The following CENPO variants were observed in gnomAD, a reference collection of about 807,000 sequenced individuals.
CENPO encodes the protein centromere protein O, also known as centromeric protein O.
In CENPO, 30 loss-of-function variants were observed where a neutral mutation model predicts 36.1. The ratio of observed to expected loss-of-function variants is 0.83; its 90% confidence interval spans 0.62 to 1.13. The LOEUF (loss-of-function observed/expected upper bound fraction) is 1.13, where lower values mean the gene tolerates loss of function less well. CENPO is among the 50% of genes most tolerant of loss of function. The pLI is 0.00. For missense variants in CENPO, 349 were observed against 357.8 expected (o/e 0.98, Z 0.20); for synonymous variants, 171 against 142.3 (o/e 1.20, Z -1.44).
At chr2:24,799,202 T>C (rs1458889011) in intron 2 of CENPO, among the ~76,000 whole-genome samples, 1 of 152,130 alleles carries the variant, frequency 6.6e-6, no homozygotes, top group Non-Finnish European at 1.5e-5. Flanking sequence ...TTTGCCATGT[T>C]GGCCAGGCTG....
chr2:24,815,608 G>T lies in CENPO; in HGVS notation c.446G>T (p.Arg149Leu), dbSNP rs765920012. The stretch of plus-strand genomic sequence containing the variant: ...GACCTTGTCATACAGAAACCACTCC[G>T]GATACATCACCATTCAGTCCCAGTC... ...FVDLVIQKPL[R>L]IHHHSVPVFI... Residue 149 changes from arginine to leucine, a missense_variant, in exon 5 of 8, where the codon CGG becomes CTG. Physicochemically the swap from Arg to Leu is moderately radical, Grantham distance 102 (BLOSUM62 -2). Coordinates refer to ENST00000380834, the MANE Select transcript of CENPO (RefSeq NM_001322101.2). The T allele has an allele frequency of 6.2e-7, 1 of 1,614,044 alleles. No homozygotes were observed. Among genetic ancestry groups the T allele is most frequent in the Non-Finnish European group, 8.5e-7 (1 of 1,179,954 alleles).
chr2:24,799,872 C>T (rs1666085980), intron 3 of CENPO, 28 bp downstream of exon 3: 3 of 1,608,736 alleles, frequency 1.9e-6, no homozygotes, highest in African/African-American at 2.7e-5. Context: ...ATCAGCAGTT[C>T]CTTTAGAGTA....
At chr2:24,814,518 T>G (rs1666849562) in intron 4 of CENPO, 25 bp downstream of exon 4, 1 of 1,114,214 alleles carries the variant, frequency 9.0e-7, no homozygotes, top group Non-Finnish European at 1.4e-6. Context: ...TTTAACCTAA[T>G]TTAGTCTGGG....
chr2:24,818,377 TA>T (rs1297266191), intron 7 of CENPO, among the ~76,000 whole-genome samples: 5 of 151,314 alleles, frequency 3.3e-5, no homozygotes, highest in South Asian at 4.2e-4. Flanking sequence ...GAAGACCCAA[TA>T]TTTTTTTTTT....
chr2:24,812,664 T>C (rs529860257), intron 3 of CENPO, among the ~76,000 whole-genome samples: 5 of 152,286 alleles, frequency 3.3e-5, no homozygotes, highest in Admixed American at 2.6e-4. Flanking sequence ...ATTTGTCTAG[T>C]TGGCTTTTAA....
chr2:24,821,334 T>C lies in CENPO; in HGVS notation c.*2016T>C. The C allele has an allele frequency of 2.5e-6, 2 of 812,816 alleles. No homozygotes were observed. Among genetic ancestry groups the C allele is most frequent in the South Asian group, 3.6e-5 (2 of 55,498 alleles). 50.4% of individuals were successfully genotyped at this position (812,816 alleles called of 1,614,324 possible). ...CGGATCATCACATCAGCTGGGTTTT[T>C]GGTTTAGTCATCTAGAGTCGTCTGG... On this transcript the variant is annotated 3_prime_UTR_variant, in exon 8 of 8. Transcript: ENST00000380834.
In CENPO at chr2:24,814,365, A is replaced by G; in HGVS notation, c.217-11A>G. On this transcript the variant is annotated splice_polypyrimidine_tract_variant and intron_variant, in intron 3 of 7. Coordinates refer to ENST00000380834, the MANE Select transcript of CENPO (RefSeq NM_001322101.2). ...CTTTGTACCAAGATTGATTTGCTGC[A>G]TATCTTGCAGGTGAAAGCATGTATT... The G allele has an allele frequency of 2.3e-6, 3 of 1,302,878 alleles. No homozygotes were observed. The highest frequency in any genetic ancestry group is 2.9e-5 in the African/African-American group (2 of 68,944). 80.7% of individuals were successfully genotyped at this position (1,302,878 alleles called of 1,614,324 possible).
At position 24,815,691 on chromosome 2, in the gene CENPO, C is replaced by T. The variant is rs1303598561; in HGVS notation, c.529C>T (p.Leu177=). 2 of 1,613,894 alleles carry T rather than the reference C, an allele frequency of 1.2e-6. No homozygotes were observed. Among genetic ancestry groups the T allele is most frequent in the Non-Finnish European group, 1.7e-6 (2 of 1,179,874 alleles). Residue 177 remains leucine (L), a synonymous_variant, in exon 5 of 8, where the codon CTG becomes TTG. Coordinates refer to ENST00000380834, the MANE Select transcript of CENPO (RefSeq NM_001322101.2). ...TTTACAGACCAACATCCAGCACTTC[C>T]TGTTCAGTCTCTGCGAGTACCTGAA... ...KYLQTNIQHF[L]FSLCEYLNAY... is the part of the protein sequence containing the mutation.
At chr2:24,800,651 T>C (rs978096935) in intron 3 of CENPO, among the ~76,000 whole-genome samples, 1 of 152,176 alleles carries the variant, frequency 6.6e-6, no homozygotes, top group Non-Finnish European at 1.5e-5. Flanking sequence ...ACAAAGGATG[T>C]GAACTCATCC....
intron 3 of CENPO, among the ~76,000 whole-genome samples, chr2:24,812,512 A>G (rs1302687540): frequency 6.6e-6 from 1 of 151,148 alleles, no homozygotes; most frequent in Admixed American, 6.6e-5. Context: ...GTTTTTCTCT[A>G]TTTCTGGGGC....
Position 24,798,535 on chromosome 2 carries a change from A to T in CENPO, c.47-1140A>T, listed in dbSNP as rs552526248. ...GAGTGCAGTGGCACGATCTTGGCTC[A>T]CTGCAAGCTCCGCCTCCTGGGTTCA... is the stretch of plus-strand genomic sequence containing the variant. On this transcript the variant is annotated intron_variant, in intron 2 of 7. Transcript: ENST00000380834. Among the ~76,000 whole-genome samples, 12 of 151,780 alleles carry T rather than the reference A, an allele frequency of 7.9e-5. No homozygotes were observed. In the East Asian group the frequency reaches 2.1e-3, roughly 27 times the overall value.
intron 2 of CENPO, among the ~76,000 whole-genome samples, chr2:24,796,906 G>C (rs1371923019): frequency 6.6e-6 from 1 of 152,162 alleles, no homozygotes; most frequent in Non-Finnish European, 1.5e-5. Flanking sequence ...GAGAGCCTGA[G>C]AGGAGGCCTG....
At chr2:24,800,477 TC>T (rs1666113084) in intron 3 of CENPO, among the ~76,000 whole-genome samples, 2 of 49,456 alleles carry the variant, frequency 4.0e-5, no homozygotes, top group Admixed American at 5.7e-4. Flanking sequence ...CCCTCCCCCC[TC>T]CCCCCACCCC....
intron 5 of CENPO, 29 bp downstream of exon 5, chr2:24,815,785 T>A: frequency 8.1e-6 from 13 of 1,607,664 alleles, no homozygotes; most frequent in Non-Finnish European, 1.1e-5. Context: ...ATATGCCTCA[T>A]CCGTGGGCCC....
intron 2 of CENPO, among the ~76,000 whole-genome samples, chr2:24,794,382 G>GTCAC (rs1665786311): frequency 6.6e-6 from 1 of 152,210 alleles, no homozygotes; most frequent in Admixed American, 6.5e-5. Context: ...CCTTAGGCAA[G>GTCAC]TCACTTTATT....
chr2:24,813,795 C>G (rs1428716361), intron 3 of CENPO, among the ~76,000 whole-genome samples: 1 of 152,196 alleles, frequency 6.6e-6, no homozygotes, highest in Non-Finnish European at 1.5e-5. Context: ...AGGCCAGAGG[C>G]TGCAGGGAAG....
intron 3 of CENPO, among the ~76,000 whole-genome samples, chr2:24,800,051 G>A (rs969338205): frequency 3.9e-5 from 6 of 152,164 alleles, no homozygotes; most frequent in African/African-American, 1.4e-4. Context: ...TTTGAAAGGC[G>A]AGGCAGGCCT....
chr2:24,819,874 TCA>T lies in CENPO; in HGVS notation c.*557_*558del. The T allele has an allele frequency of 1.3e-6, 2 of 1,567,324 alleles. No individual in the cohort carries two copies. Among genetic ancestry groups the T allele is most frequent in the Non-Finnish European group, 1.7e-6 (2 of 1,151,096 alleles). On this transcript the variant is annotated 3_prime_UTR_variant, in exon 8 of 8. Transcript: ENST00000380834. ...CAATCCAGGAAGGTCGGGACTTCCT[TCA>T]GTTTCAAAAAATAAATTCTCCCTTC...
Position 24,814,427 on chromosome 2 carries a change from G to A in CENPO, c.268G>A (p.Glu90Lys), listed in dbSNP as rs1666845572. The A allele has an allele frequency of 1.9e-6, 3 of 1,607,644 alleles. No homozygotes were observed. The highest frequency in any genetic ancestry group is 2.6e-6 in the Non-Finnish European group (3 of 1,174,082). The change falls in exon 4 of 8, where the codon GAG becomes AAG. Residue 90 changes from glutamate (E) to lysine (K), a missense_variant. Glu to Lys is a moderately conservative substitution (Grantham distance 56, BLOSUM62 1). Coordinates refer to ENST00000380834, the MANE Select transcript of CENPO (RefSeq NM_001322101.2). ...ACCCAACCAAACAGTGGAGATCAATGAGCAAGAAGCATTGGAAGAGAAATT... is the reference window on the plus strand; with the variant it reads ...ACCCAACCAAACAGTGGAGATCAATAAGCAAGAAGCATTGGAAGAGAAATT... The part of the protein sequence containing the change: ...VEPNQTVEIN[E>K]QEALEEKLEN...
Sources: allele counts gnomAD v4.1 joint callset (sites outside exome capture counted in the v4.1 genomes callset), GRCh38; gene constraint gnomAD v4.1.1; transcripts MANE v1.5; gene names NCBI Gene and HGNC (gene_info 2026-07-23, HGNC 2026-07-21).